Variants in TNS1 observed in about 807,000 individuals in gnomAD.
TNS1 encodes the protein tensin 1, also known as tensin-1.
In TNS1, 62 loss-of-function variants were observed where a neutral mutation model predicts 168.6. The ratio of observed to expected loss-of-function variants is 0.37; its 90% CI spans 0.30 to 0.45. The LOEUF (loss-of-function observed/expected upper bound fraction) is 0.45. TNS1 is among the 20% of genes least tolerant of loss of function. The probability of loss-of-function intolerance (pLI) is 1.00; values close to 1 mark genes in which losing one functional copy is unlikely to be tolerated. For synonymous variants in TNS1, 934 were observed against 933.2 expected (o/e 1.00, Z -0.02); for missense variants, 2,240 against 2,339.4 (o/e 0.96, Z 0.88).
intron 15 of TNS1, 49 bp downstream of exon 15, chr2:217,885,695 G>A: frequency 6.4e-7 from 1 of 1,571,378 alleles, no homozygotes; most frequent in Non-Finnish European, 8.7e-7. Context: ...AGAAAAGAAG[G>A]GAGAGAAAAT....
intron 9 of TNS1, among the ~76,000 whole-genome samples, chr2:217,894,641 A>T (rs775892505): frequency 6.6e-5 from 10 of 151,826 alleles, no homozygotes; most frequent in Non-Finnish European, 1.0e-4. Flanking sequence ...TGGGCGACAG[A>T]GGGGGACTGC....
Position 217,855,336 on chromosome 2 carries a change from C to T in TNS1, c.1430-6249G>A, listed in dbSNP as rs543329988. On this transcript the variant is annotated intron_variant, in intron 18 of 32. Transcript: ENST00000682258. Reference sequence around the variant, plus strand: ...ATCCTGCCCGTGAAACTCCCAACCTCCTGGGCAAATGCTTTCAGACTCAGT... The same window carrying T: ...ATCCTGCCCGTGAAACTCCCAACCTTCTGGGCAAATGCTTTCAGACTCAGT... 1.1e-4 allele frequency among the ~76,000 whole-genome samples: 16 copies of T among 152,326 alleles called. No individual in the cohort carries two copies. The South Asian group carries it at 2.5e-3, about 24-fold the overall frequency.
chr2:217,848,604 G>A lies in TNS1; in HGVS notation c.1913C>T (p.Ala638Val), dbSNP rs116507626. 2.8e-4 allele frequency: 451 copies of A among 1,614,176 alleles called. 1 individual carries two copies. Among genetic ancestry groups the A allele is most frequent in the African/African-American group, 4.4e-4 (33 of 75,052 alleles). Residue 638 changes from alanine (A) to valine (V), a missense_variant, in exon 19 of 33, where the codon GCG (alanine) becomes GTG (valine). Ala to Val is a moderately conservative substitution (Grantham distance 64). Coordinates refer to ENST00000682258, the MANE Select transcript of TNS1 (RefSeq NM_001387777.1). ...DELPNQDGHS[A>V]GSMGTLSSLD... ...AGAAGAGAGTGTGCCCATGCTGCCC[G>A]CACTGTGACCATCCTGGTTTGGCAA...
chr2:217,840,061 G>A (rs959663790), intron 19 of TNS1, among the ~76,000 whole-genome samples: 31 of 152,244 alleles, frequency 2.0e-4, no homozygotes, highest in Non-Finnish European at 3.8e-4. Context: ...AGGGAGGGGC[G>A]GTTGAAGGGA....
At position 217,893,105 on chromosome 2, in the gene TNS1, G is replaced by A. The variant is rs1325474364; in HGVS notation, c.718-93C>T. 6 of 1,482,870 alleles carry A rather than the reference G, an allele frequency of 4.0e-6. No individual in the cohort carries two copies. In the East Asian group the frequency reaches 6.8e-5, roughly 17 times the overall value. The allele number at this position is 1,482,870 out of a possible 1,614,324, so 91.9% of individuals were successfully genotyped here. ...GAAGCCTTGGTGGAAAAGAGTCAGG[G>A]CTGGAGAGAGGGGTGTGGATTTAAG... On this transcript the variant is annotated intron_variant, in intron 10 of 32. Coordinates refer to ENST00000682258, the MANE Select transcript of TNS1 (RefSeq NM_001387777.1).
intron 30 of TNS1, among the ~76,000 whole-genome samples, chr2:217,809,212 GATGC>G (rs1158792101): frequency 8.3e-5 from 6 of 72,014 alleles, no homozygotes; most frequent in African/African-American, 1.5e-4. Context: ...TGGATGGATG[GATGC>G]ATGGATGGAT....
At chr2:217,915,173 T>C in intron 4 of TNS1, among the ~76,000 whole-genome samples, 1 of 152,176 alleles carries the variant, frequency 6.6e-6, no homozygotes, top group Non-Finnish European at 1.5e-5. Flanking sequence ...CTGACTGAAG[T>C]GACTGCACAT....
intron 4 of TNS1, among the ~76,000 whole-genome samples, chr2:217,916,157 C>T (rs1046526141): frequency 5.9e-5 from 9 of 152,144 alleles, no homozygotes; most frequent in African/African-American, 2.2e-4. Context: ...TATGAAGTTC[C>T]AGTAAAGGGT....
chr2:217,982,301 C>T (rs1211018494), intron 2 of TNS1, among the ~76,000 whole-genome samples: 1 of 152,140 alleles, frequency 6.6e-6, no homozygotes, highest in Non-Finnish European at 1.5e-5. Flanking sequence ...CTTTATAAGA[C>T]ACTCTGAGCC....
rs531766102 is a variant in TNS1 at position 217,955,410 on chromosome 2, G to T, written c.186+23355C>A. On this transcript the variant is annotated intron_variant, in intron 3 of 32. Transcript: ENST00000682258. ...AAGGTCTGTATTCATCCTGAGAAGT[G>T]GGCCCAAACACGAGCCTTCCTCCCG... 1.4e-4 allele frequency among the ~76,000 whole-genome samples: 21 copies of T among 152,216 alleles called. 1 individual carries two copies. In the South Asian group the frequency reaches 3.7e-3, roughly 27 times the overall value.
At chr2:218,018,556 C>T (rs1958781988) in intron 1 of TNS1, among the ~76,000 whole-genome samples, 1 of 152,234 alleles carries the variant, frequency 6.6e-6, no homozygotes, top group South Asian at 2.1e-4. Context: ...ACATCTGCTC[C>T]CATGCCTCAG....
At position 217,885,074 on chromosome 2, in the gene TNS1, C is replaced by T; in HGVS notation, c.1207G>A (p.Val403Ile). Residue 403 changes from valine (V) to isoleucine (I), a missense_variant, in exon 16 of 33, where the codon GTT becomes ATT. Val to Ile is a conservative substitution (Grantham distance 29). Transcript: ENST00000682258. ...FHTCAIHDLGVVFGKEDLDDA... is the reference protein window; with the variant it reads ...FHTCAIHDLGIVFGKEDLDDA... Reference sequence around the variant, plus strand: ...TCAAGGTCCTCCTTCCCAAAGACAACCCCCAGGTCATGGATGGCACAGGTG... The same window carrying T: ...TCAAGGTCCTCCTTCCCAAAGACAATCCCCAGGTCATGGATGGCACAGGTG... 1 of 1,614,242 alleles carries T rather than the reference C, an allele frequency of 6.2e-7. No individual in the cohort carries two copies.
At chr2:217,964,518 T>C (rs1215241192) in intron 3 of TNS1, among the ~76,000 whole-genome samples, 1 of 152,242 alleles carries the variant, frequency 6.6e-6, no homozygotes, top group Admixed American at 6.5e-5. Flanking sequence ...TTTCCTCCTC[T>C]GTGCCCTAGC....
intron 1 of TNS1, among the ~76,000 whole-genome samples, chr2:218,031,536 T>C (rs1035077724): frequency 1.4e-5 from 2 of 147,246 alleles, no homozygotes; most frequent in Non-Finnish European, 1.5e-5. Flanking sequence ...AGTGTGTGTG[T>C]GCCTGTGTGT....
chr2:217,966,993 T>C (rs1251559976), intron 3 of TNS1, among the ~76,000 whole-genome samples: 1 of 152,178 alleles, frequency 6.6e-6, no homozygotes, highest in Non-Finnish European at 1.5e-5. Context: ...GAGAAGAGTG[T>C]CACGTAGTCA....
intron 18 of TNS1, among the ~76,000 whole-genome samples, chr2:217,871,672 T>C (rs953939307): frequency 9.2e-5 from 14 of 152,260 alleles, no homozygotes; most frequent in African/African-American, 2.9e-4. Context: ...GAGTGAGCAC[T>C]GGGACTCTGC....
At chr2:217,812,319 G>T in intron 28 of TNS1, 49 bp downstream of exon 28, 1 of 1,524,082 alleles carries the variant, frequency 6.6e-7, no homozygotes. Context: ...GACATGACAA[G>T]GGCCAGCTCA....
At position 217,814,927 on chromosome 2, in the gene TNS1, T is replaced by C; in HGVS notation, c.4714A>G (p.Ile1572Val). Residue 1572 changes from isoleucine (I) to valine (V), a missense_variant, in exon 25 of 33, where the codon ATC (isoleucine) becomes GTC (valine). Physicochemically the swap from Ile to Val is conservative, Grantham distance 29 (BLOSUM62 3). Transcript: ENST00000682258. The stretch of plus-strand genomic sequence containing the variant: ...CAGCACTCACCCTGCTCCCTGGAGA[T>C]CTCAGGCTTGTACCAATACTTAGAA... Reference protein sequence around the residue: ...DTSKYWYKPEISREQAIALLK... With the variant: ...DTSKYWYKPEVSREQAIALLK... The C allele has an allele frequency of 6.2e-7, 1 of 1,613,356 alleles. No individual in the cohort carries two copies. The highest frequency in any genetic ancestry group is 8.5e-7 in the Non-Finnish European group (1 of 1,179,728).
intron 21 of TNS1, among the ~76,000 whole-genome samples, chr2:217,832,588 C>T (rs765656991): frequency 3.9e-5 from 6 of 152,232 alleles, no homozygotes; most frequent in Admixed American, 6.5e-5. Context: ...GAACCACCAG[C>T]AGCAAATGCT....
Sources: gnomAD v4.1 joint callset for allele counts (sites outside exome capture counted in the v4.1 genomes callset) on GRCh38, gnomAD v4.1.1 for gene constraint, MANE v1.5 for transcripts, NCBI Gene and HGNC (gene_info 2026-07-23, HGNC 2026-07-21) for gene names.